Variants in OBSL1 observed in about 807,000 individuals in gnomAD.
OBSL1 encodes obscurin-like protein 1.
A neutral mutation model predicts 172.0 loss-of-function variants in OBSL1; 160 were observed. That is an observed-to-expected ratio of 0.93 (90% CI 0.82 to 1.06). The LOEUF is 1.06. Among genes scored for constraint, OBSL1 ranks in the 50% least tolerant of loss-of-function variants. OBSL1 has a pLI of 0.00. For missense variants in OBSL1, 2,681 were observed against 2,715.4 expected (o/e 0.99, Z 0.28); for synonymous variants, 1,200 against 1,196.3 (o/e 1.00, Z -0.06).
intron 14 of OBSL1, chr2:219,555,448 T>A (rs1695929881): frequency 3.0e-5 from 1 of 33,692 alleles, no homozygotes; most frequent in Admixed American, 1.1e-3. Context: ...CCGGCTAATT[T>A]TTATTTTTTT....
chr2:219,552,349 G>A (rs115012819), intron 18 of OBSL1, 133 bp from the exon 19 acceptor site: 1 of 942,922 alleles, frequency 1.1e-6, no homozygotes, highest in Non-Finnish European at 1.6e-6. Flanking sequence ...GAACAGGGAT[G>A]CGGAGCGGGA....
chr2:219,567,231 A>C, intron 4 of OBSL1, 42 bp downstream of exon 4: 3 of 1,564,552 alleles, frequency 1.9e-6, no homozygotes, highest in Non-Finnish European at 2.6e-6. Context: ...GGGCTGGGGA[A>C]GGGAGGAGAA....
At chr2:219,549,791 G>A (rs752437607), downstream of OBSL1, 15 of 1,613,984 alleles carry the variant, frequency 9.3e-6, no homozygotes, top group East Asian at 2.2e-5. Context: ...CCACAGATGC[G>A]GACTATGAGT....
chr2:219,565,602 TG>T (rs1696828563), intron 5 of OBSL1, 88 bp from the exon 6 acceptor site: 1 of 1,377,990 alleles, frequency 7.3e-7, no homozygotes, highest in South Asian at 1.3e-5. Context: ...CTGCTGTTGT[TG>T]GGGTTTTTAA....
Position 219,568,679 on chromosome 2 carries a change from C to G in OBSL1, c.1013-355G>C, listed in dbSNP as rs1360667337. Among the ~76,000 whole-genome samples the G allele has an allele frequency of 2.6e-5, 4 of 152,100 alleles. 1 individual carries two copies. The highest frequency in any genetic ancestry group is 1.5e-5 in the Non-Finnish European group (1 of 68,012). ...CTAGATTGGTGATTTCCAAACTGTT[C>G]CCTGGCTCCCCCCGCCCCAGTCATT... On this transcript the variant is annotated intron_variant, in intron 1 of 20. Coordinates refer to ENST00000404537, the MANE Select transcript of OBSL1 (RefSeq NM_015311.3). This position sits in a 1 kb window ranked among gnomAD's most constrained non-coding sequence, Gnocchi z 4.1.
downstream of OBSL1, chr2:219,549,835 G>GC (rs1559129144): frequency 2.5e-6 from 4 of 1,614,000 alleles, no homozygotes; most frequent in Non-Finnish European, 2.5e-6. Context: ...GCCTGCTCAG[G>GC]CCCCCCAGTG....
rs374208482 is a variant in OBSL1 at position 219,565,255 on chromosome 2, G to T, written c.2394C>A (p.Gly798=). 6.2e-7 allele frequency: 1 copy of T among 1,610,028 alleles called. No homozygotes were observed. Among genetic ancestry groups the T allele is most frequent in the Admixed American group, 1.7e-5 (1 of 59,776 alleles). Residue 798 remains glycine, a synonymous_variant, in exon 6 of 21, where the codon GGC becomes GGA. Coordinates refer to ENST00000404537, the MANE Select transcript of OBSL1 (RefSeq NM_015311.3). ...CRTEGVSAFF[G]VTVQDPPVHI... Reference sequence around the variant, plus strand: ...ATGCTTCCTGACCTTGGACAGTGACGCCGAAGAAGGCCGAGACCCCTTCTG... The same window carrying T: ...ATGCTTCCTGACCTTGGACAGTGACTCCGAAGAAGGCCGAGACCCCTTCTG...
chr2:219,549,030 T>G, downstream of OBSL1: 1 of 1,043,438 alleles, frequency 9.6e-7, no homozygotes, highest in Non-Finnish European at 1.4e-6. Context: ...AGGGTGGGAG[T>G]AAGGGGTTAT....
rs775634310 is a variant in OBSL1, at chr2:219,565,254, C to T, written c.2395G>A (p.Val799Ile). ...RTEGVSAFFG[V>I]TVQDPPVHIV... Reference sequence around the variant, plus strand: ...CATGCTTCCTGACCTTGGACAGTGACGCCGAAGAAGGCCGAGACCCCTTCT... The same window carrying T: ...CATGCTTCCTGACCTTGGACAGTGATGCCGAAGAAGGCCGAGACCCCTTCT... The change falls in exon 6 of 21, where the codon GTC (valine) becomes ATC (isoleucine). Residue 799 changes from valine to isoleucine, a missense_variant. Transcript: ENST00000404537. 23 of 1,609,780 alleles carry T rather than the reference C, an allele frequency of 1.4e-5. No individual in the cohort carries two copies. Among genetic ancestry groups the T allele is most frequent in the Admixed American group, 3.3e-5 (2 of 59,740 alleles).
At chr2:219,547,685 G>A (rs746987978), downstream of OBSL1, 29 of 1,561,998 alleles carry the variant, frequency 1.9e-5, no homozygotes, top group South Asian at 7.1e-5. Context: ...AGTGCGCAGC[G>A]TGGGCCTCTT....
In OBSL1 at chr2:219,559,297, G is replaced by A. The variant is rs1696279635; in HGVS notation, c.3154C>T (p.Gln1052Ter). 6.2e-7 allele frequency: 1 copy of A among 1,613,948 alleles called. No individual in the cohort carries two copies. The highest frequency in any genetic ancestry group is 2.2e-5 in the East Asian group (1 of 44,884). Residue 1052 changes from glutamine to a stop codon, truncating the protein, a stop_gained, in exon 9 of 21, where the codon CAG becomes TAG. Coordinates refer to ENST00000404537, the MANE Select transcript of OBSL1 (RefSeq NM_015311.3). LOFTEE classifies it high-confidence loss of function. ...PRCRLVLPAA[Q>*]PEDGGEFVCD... Reference sequence around the variant, plus strand: ...ACAAACTCGCCCCCGTCCTCGGGCTGAGCAGCAGGTAGCACCAGGCGGCAG... The same window carrying A: ...ACAAACTCGCCCCCGTCCTCGGGCTAAGCAGCAGGTAGCACCAGGCGGCAG...
chr2:219,569,887 G>A (rs1363534425), intron 1 of OBSL1, among the ~76,000 whole-genome samples: 1 of 152,188 alleles, frequency 6.6e-6, no homozygotes, highest in East Asian at 1.9e-4. Context: ...TTCAGTGGGG[G>A]AAGGAGGAGT....
At chr2:219,561,922 G>A (rs1235407283) in intron 8 of OBSL1, 2 of 717,380 alleles carry the variant, frequency 2.8e-6, no homozygotes, top group East Asian at 2.7e-5. Flanking sequence ...GGGGGGAAGC[G>A]GGACCAGAGC....
Position 219,551,293 on chromosome 2 carries a change from G to A in OBSL1, c.5683+236C>T, listed in dbSNP as rs1293698835. The A allele has an allele frequency of 5.0e-6, 7 of 1,407,124 alleles. No homozygotes were observed. The African/African-American group carries it at 1.0e-4, about 20-fold the overall frequency. 87.2% of individuals were successfully genotyped at this position (1,407,124 alleles called of 1,614,324 possible). On this transcript the variant is annotated intron_variant, in intron 20 of 20. Transcript: ENST00000404537. ...GCAGGAGAGAGGAGAAGCCTGGCAA[G>A]AAGGGGCGTAGAAAGGTGGGAACAG... is the stretch of plus-strand genomic sequence containing the variant.
In OBSL1 at chr2:219,571,171, A is replaced by C. The variant is rs1409474574; in HGVS notation, c.62T>G (p.Val21Gly). The C allele has an allele frequency of 4.1e-6, 6 of 1,477,576 alleles. No homozygotes were observed. Among genetic ancestry groups the C allele is most frequent in the Non-Finnish European group, 5.4e-6 (6 of 1,116,426 alleles). The allele number at this position is 1,477,576 out of a possible 1,614,324, so 91.5% of individuals were successfully genotyped here. A position where few individuals can be genotyped will look rare whatever the true frequency, so the allele number is the denominator to read the frequency against. ...GGCCTCGGCGCCACTTACCACCCGC[A>C]CAGGCCGCGGGAAGCGCAGGAAGCA... Reference protein sequence around the residue: ...PPCFLRFPRPVRVVSGAEAEL... With the variant: ...PPCFLRFPRPGRVVSGAEAEL... The change falls in exon 1 of 21, where the codon GTG becomes GGG. Residue 21 changes from valine to glycine, a missense_variant. Physicochemically the swap from Val to Gly is moderately radical, Grantham distance 109. This residue lies in a region of OBSL1 where 90 missense variants were observed against 76.6 expected (regional missense o/e 1.18). Transcript: ENST00000404537.
At position 219,556,469 on chromosome 2, in the gene OBSL1, G is replaced by A. The variant is rs777446367; in HGVS notation, c.4321C>T (p.Arg1441Trp). ...AGGACCTAACCTCGAACATGGAGCCGGGCACTTGTGGCCGTGCTCCCTGCC... is the reference window on the plus strand; with the variant it reads ...AGGACCTAACCTCGAACATGGAGCCAGGCACTTGTGGCCGTGCTCCCTGCC... Reference protein sequence around the residue: ...LRAGSTATSARLHVRETELLF... With the variant: ...LRAGSTATSAWLHVRETELLF... Residue 1441 changes from arginine (R) to tryptophan (W), a missense_variant, in exon 13 of 21, where the codon CGG becomes TGG. Physicochemically the swap from Arg to Trp is moderately radical, Grantham distance 101 (BLOSUM62 -3). Coordinates refer to ENST00000404537, the MANE Select transcript of OBSL1 (RefSeq NM_015311.3). The A allele has an allele frequency of 2.6e-5, 42 of 1,613,770 alleles. No individual in the cohort carries two copies. The highest frequency in any genetic ancestry group is 4.5e-5 in the East Asian group (2 of 44,874).
intron 20 of OBSL1, chr2:219,551,201 G>T: frequency 7.2e-7 from 1 of 1,384,506 alleles, no homozygotes; most frequent in Non-Finnish European, 9.3e-7. Flanking sequence ...AGGCAGTGTT[G>T]GTGAAGTGGG....
intron 13 of OBSL1, 26 bp from the exon 14 acceptor site, chr2:219,556,318 A>C (rs1559137544): frequency 6.4e-7 from 1 of 1,569,948 alleles, no homozygotes; most frequent in Non-Finnish European, 8.7e-7. Flanking sequence ...GAGGCCATGG[A>C]GTCTGGTGGG....
chr2:219,565,594 G>A, intron 5 of OBSL1, 80 bp from the exon 6 acceptor site: 2 of 1,412,130 alleles, frequency 1.4e-6, no homozygotes, highest in Non-Finnish European at 1.9e-6. Flanking sequence ...GGGAACAACT[G>A]CTGTTGTTGG....
Sources: gnomAD v4.1 joint callset for allele counts (sites outside exome capture counted in the v4.1 genomes callset) on GRCh38, gnomAD v4.1.1 for gene constraint, gnomAD v4.1.1 regional missense constraint, Gnocchi (gnomAD v3.1) non-coding constraint, MANE v1.5 for transcripts, NCBI Gene and HGNC (gene_info 2026-07-23, HGNC 2026-07-21) for gene names.